ATP6V1B1: variants seen among roughly 807,000 people sequenced by gnomAD.
ATP6V1B1 encodes the protein ATPase H+ transporting V1 subunit B1, also known as V-type proton ATPase subunit B, kidney isoform.
ATP6V1B1 carries 41 observed loss-of-function variants against 62.1 expected under a neutral mutation model. The ratio of observed to expected loss-of-function variants is 0.66; its 90% CI spans 0.51 to 0.86. The LOEUF (loss-of-function observed/expected upper bound fraction) is 0.86, where lower values mean the gene tolerates loss of function less well. ATP6V1B1 is among the 40% of genes least tolerant of loss of function. The probability of loss-of-function intolerance (pLI) is 0.00; values close to 1 mark genes in which losing one functional copy is unlikely to be tolerated. For synonymous variants in ATP6V1B1, 253 were observed against 273.4 expected, an observed-to-expected ratio of 0.93 and a Z score of 0.74; for missense variants, 651 against 697.5, an observed-to-expected ratio of 0.93 and a Z score of 0.75.
At chr2:70,938,492 C>A in intron 1 of ATP6V1B1, 11 of 961,862 alleles carry the variant, frequency 1.1e-5, no homozygotes, top group Non-Finnish European at 1.4e-5. Context: ...CGCTGGGCCA[C>A]GGTGGAGGTG....
rs782660019 is a variant in ATP6V1B1 at position 70,943,719 on chromosome 2, A to ACTCTTCTGCTGC, written c.174+10_174+21dup. The ACTCTTCTGCTGC allele has an allele frequency of 1.2e-6, 2 of 1,612,706 alleles. No individual in the cohort carries two copies. Among genetic ancestry groups the ACTCTTCTGCTGC allele is most frequent in the Non-Finnish European group, 1.7e-6 (2 of 1,179,738 alleles). ...TGGTGCTGGACCGGGTCAAGGTAAG[A>ACTCTTCTGCTGC]CTCTTCTGCTGCCTCCCTGGCACTA... On this transcript the variant is annotated splice_region_variant and intron_variant, in intron 2 of 13. Coordinates refer to ENST00000234396, the MANE Select transcript of ATP6V1B1 (RefSeq NM_001692.4).
rs1354529979 is a variant in ATP6V1B1, at chr2:70,935,917, C to T, written c.-38C>T. On this transcript the variant is annotated 5_prime_UTR_variant, in exon 1 of 14. Transcript: ENST00000234396. The stretch of plus-strand genomic sequence containing the variant: ...GAAGTCTCAGAGCTGCCACCAGCAG[C>T]AGGCTCAGACACTGGGCTCCCAGCT... 19 of 1,565,286 alleles carry T rather than the reference C, an allele frequency of 1.2e-5. No individual in the cohort carries two copies. The highest frequency in any genetic ancestry group is 1.5e-5 in the Non-Finnish European group (17 of 1,141,538).
Position 70,964,960 on chromosome 2 carries a change from C to T in ATP6V1B1, c.1381C>T (p.Pro461Ser). Residue 461 changes from proline to serine, a missense_variant and splice_region_variant, in exon 14 of 14, where the codon CCC (proline) becomes TCC (serine). Coordinates refer to ENST00000234396, the MANE Select transcript of ATP6V1B1 (RefSeq NM_001692.4). ...ACTCCCTCCCGCTCTGTCCCTAGGC[C>T]CCTACGAGAACCGCTCGGTGTTCGA... ...KFEKNFINQG[P>S]YENRSVFESL... 1 of 1,614,040 alleles carries T rather than the reference C, an allele frequency of 6.2e-7. No individual in the cohort carries two copies.
chr2:70,961,072 C>T, intron 7 of ATP6V1B1, 50 bp downstream of exon 7: 1 of 1,529,984 alleles, frequency 6.5e-7, no homozygotes. Flanking sequence ...GAGCAGGCAG[C>T]CTGTCTCCCT....
rs782057212 is a variant in ATP6V1B1 at position 70,963,646 on chromosome 2, A to G, written c.1135A>G (p.Asn379Asp). ...GATCTACGTGGACAGACAGCTTCACAACAGACAGGTACTGCCCTGTCCCTA... is the reference window on the plus strand; with the variant it reads ...GATCTACGTGGACAGACAGCTTCACGACAGACAGGTACTGCCCTGTCCCTA... ...GQIYVDRQLH[N>D]RQIYPPINVL... is the part of the protein sequence containing the mutation. Residue 379 changes from asparagine (N) to aspartate (D), a missense_variant, in exon 11 of 14, where the codon AAC (asparagine) becomes GAC (aspartate). By Grantham distance (23) the Asn-to-Asp change is conservative. Coordinates refer to ENST00000234396, the MANE Select transcript of ATP6V1B1 (RefSeq NM_001692.4). This position sits in a 1 kb window ranked among gnomAD's most constrained non-coding sequence, Gnocchi z 4.3. The G allele has an allele frequency of 6.2e-7, 1 of 1,614,048 alleles. No individual in the cohort carries two copies. Among genetic ancestry groups the G allele is most frequent in the Admixed American group, 1.7e-5 (1 of 60,028 alleles).
At position 70,958,149 on chromosome 2, in the gene ATP6V1B1, G is replaced by C; in HGVS notation, c.273+5G>C. On this transcript the variant is annotated splice_donor_5th_base_variant and intron_variant, in intron 3 of 13. Transcript: ENST00000234396. ...GGCACCAAGGCGATTGTTCAGGTGA[G>C]TGGGGTCAATGGGACATTGGCTAGT... The C allele has an allele frequency of 6.2e-7, 1 of 1,613,890 alleles. No homozygotes were observed. Among genetic ancestry groups the C allele is most frequent in the South Asian group, 1.1e-5 (1 of 91,010 alleles).
At position 70,961,642 on chromosome 2, in the gene ATP6V1B1, A is replaced by T. The variant is rs781788044; in HGVS notation, c.734A>T (p.Asn245Ile). ...TTCTTCAAGTCTGACTTTGAGCAGA[A>T]TGGAACCATGGGGAACGTCTGCCTC... ...ARFFKSDFEQ[N>I]GTMGNVCLFL... The change falls in exon 8 of 14, where the codon AAT becomes ATT. Residue 245 changes from asparagine (N) to isoleucine (I), a missense_variant. By Grantham distance (149) the Asn-to-Ile change is moderately radical. Transcript: ENST00000234396. 3.7e-6 allele frequency: 6 copies of T among 1,614,240 alleles called. No individual in the cohort carries two copies. The South Asian group carries it at 6.6e-5, about 18-fold the overall frequency.
rs1680639376 is a variant in ATP6V1B1 at position 70,963,472 on chromosome 2, C to A, written c.1061-100C>A. 10 of 1,525,052 alleles carry A rather than the reference C, an allele frequency of 6.6e-6. No homozygotes were observed. Among genetic ancestry groups the A allele is most frequent in the Non-Finnish European group, 9.1e-6 (10 of 1,102,976 alleles). 94.5% of individuals were successfully genotyped at this position (1,525,052 alleles called of 1,614,324 possible). On this transcript the variant is annotated intron_variant, in intron 10 of 13. Coordinates refer to ENST00000234396, the MANE Select transcript of ATP6V1B1 (RefSeq NM_001692.4). This position sits in a 1 kb window ranked among gnomAD's most constrained non-coding sequence, Gnocchi z 4.3. ...TCCTCCACCATCCATGCCCCCCACACATCCCTATCACTCCCATGAGGGAAA... is the reference window on the plus strand; with the variant it reads ...TCCTCCACCATCCATGCCCCCCACAAATCCCTATCACTCCCATGAGGGAAA...
At chr2:70,940,382 A>C in intron 1 of ATP6V1B1, 1 of 981,764 alleles carries the variant, frequency 1.0e-6, no homozygotes, top group African/African-American at 1.8e-5. Flanking sequence ...GCATCTTTAC[A>C]TCACTGCTTT....
At chr2:70,952,966 GT>G (rs1182335553) in intron 2 of ATP6V1B1, among the ~76,000 whole-genome samples, 1 of 149,430 alleles carries the variant, frequency 6.7e-6, no homozygotes, top group Non-Finnish European at 1.5e-5. Context: ...TTTCTGTAGG[GT>G]TTGTTTGTTT....
chr2:70,949,919 C>A (rs1416841422), intron 2 of ATP6V1B1, among the ~76,000 whole-genome samples: 2 of 152,156 alleles, frequency 1.3e-5, no homozygotes, highest in African/African-American at 2.4e-5. Flanking sequence ...AGACATTGCT[C>A]ATCTGTCTTT....
At chr2:70,941,003 A>G (rs1417611768) in intron 1 of ATP6V1B1, 2 of 756,488 alleles carry the variant, frequency 2.6e-6, no homozygotes, top group African/African-American at 2.0e-5. Context: ...CGCAGCCTCA[A>G]CCTCCCTGGG....
At position 70,964,942 on chromosome 2, in the gene ATP6V1B1, C is replaced by T. The variant is rs1680685505; in HGVS notation, c.1379-16C>T. 1 of 1,614,022 alleles carries T rather than the reference C, an allele frequency of 6.2e-7. No homozygotes were observed. Among genetic ancestry groups the T allele is most frequent in the Non-Finnish European group, 8.5e-7 (1 of 1,180,034 alleles). On this transcript the variant is annotated splice_polypyrimidine_tract_variant and intron_variant, in intron 13 of 13. Coordinates refer to ENST00000234396, the MANE Select transcript of ATP6V1B1 (RefSeq NM_001692.4). The stretch of plus-strand genomic sequence containing the variant: ...CCCACACACATTCCTAACACTCCCT[C>T]CCGCTCTGTCCCTAGGCCCCTACGA...
rs1553420445 is a variant in ATP6V1B1, at chr2:70,963,294, C to A, written c.1042C>A (p.Leu348Ile). Residue 348 changes from leucine to isoleucine, a missense_variant, in exon 10 of 14, where the codon CTC becomes ATC. Physicochemically the swap from Leu to Ile is conservative, Grantham distance 5. Coordinates refer to ENST00000234396, the MANE Select transcript of ATP6V1B1 (RefSeq NM_001692.4). This position sits in a 1 kb window ranked among gnomAD's most constrained non-coding sequence, Gnocchi z 4.3. ...AGGATCCATCACACAGATCCCCATC[C>A]TCACCATGCCCAACGACGGTAGCCT... Reference protein sequence around the residue: ...RGGSITQIPILTMPNDDITHP... With the variant: ...RGGSITQIPIITMPNDDITHP... 6.2e-7 allele frequency: 1 copy of A among 1,613,424 alleles called. No individual in the cohort carries two copies.
At chr2:70,956,161 T>C (rs1477336462) in intron 2 of ATP6V1B1, 3 of 234,442 alleles carry the variant, frequency 1.3e-5, no homozygotes, top group Non-Finnish European at 2.9e-5. Context: ...TTCATGACCA[T>C]TGGATGATAT....
Position 70,963,452 on chromosome 2 carries a change from C to A in ATP6V1B1, c.1061-120C>A. 1 of 1,524,820 alleles carries A rather than the reference C, an allele frequency of 6.6e-7. No individual in the cohort carries two copies. Among genetic ancestry groups the A allele is most frequent in the East Asian group, 2.3e-5 (1 of 43,558 alleles). 94.5% of individuals were successfully genotyped at this position (1,524,820 alleles called of 1,614,324 possible). On this transcript the variant is annotated intron_variant, in intron 10 of 13. Coordinates refer to ENST00000234396, the MANE Select transcript of ATP6V1B1 (RefSeq NM_001692.4). The surrounding 1 kb of genome is among the most constrained non-coding windows in gnomAD (Gnocchi z 4.3). ...TCGAGATAGACACTGCCCTTTCCTC[C>A]ACCATCCATGCCCCCCACACATCCC...
chr2:70,963,549 G>A lies in ATP6V1B1; in HGVS notation c.1061-23G>A. On this transcript the variant is annotated intron_variant, in intron 10 of 13. Transcript: ENST00000234396. This position sits in a 1 kb window ranked among gnomAD's most constrained non-coding sequence, Gnocchi z 4.3. ...GGAGACCTGGGCCCCCACCCACACT[G>A]AGGCCAGTGAGTTTTCTTGTAGATA... 6.2e-7 allele frequency: 1 copy of A among 1,611,416 alleles called. No homozygotes were observed.
intron 12 of ATP6V1B1, 74 bp from the exon 13 acceptor site, chr2:70,964,662 T>C: frequency 6.2e-7 from 1 of 1,612,684 alleles, no homozygotes; most frequent in Non-Finnish European, 8.5e-7. Context: ...GGGGTCCCAG[T>C]GTGGCCAGGT....
At chr2:70,961,842 T>C (rs1680595588) in intron 8 of ATP6V1B1, 149 bp downstream of exon 8, 3 of 796,182 alleles carry the variant, frequency 3.8e-6, no homozygotes, top group Non-Finnish European at 6.3e-6. Flanking sequence ...ATAGGGAAAC[T>C]GAGGCCTGGG....
Sources: allele counts gnomAD v4.1 joint callset (sites outside exome capture counted in the v4.1 genomes callset), GRCh38; gene constraint gnomAD v4.1.1; non-coding constraint Gnocchi (gnomAD v3.1); transcripts MANE v1.5; gene names NCBI Gene and HGNC (gene_info 2026-07-23, HGNC 2026-07-21).